The following DPP6 variants were observed in gnomAD, a reference collection of about 807,000 sequenced individuals.
DPP6 encodes dipeptidyl peptidase like 6.
Under a neutral mutation model 122.6 loss-of-function variants are expected in DPP6, and 69 were observed. The ratio of observed to expected loss-of-function variants is 0.56; its 90% CI spans 0.46 to 0.69. DPP6 has a LOEUF of 0.69. Among genes scored for constraint, DPP6 ranks in the 30% least tolerant of loss-of-function variants. The probability of loss-of-function intolerance (pLI) is 0.00; values close to 1 mark genes in which losing one functional copy is unlikely to be tolerated. For missense variants in DPP6, 928 were observed against 1,116.9 expected (o/e 0.83, Z 2.41); for synonymous variants, 418 against 433.1 (o/e 0.97, Z 0.43).
At chr7:154,383,911 G>A (rs1195964167) in intron 1 of DPP6, among the ~76,000 whole-genome samples, 3 of 143,322 alleles carry the variant, frequency 2.1e-5, no homozygotes, top group Non-Finnish European at 4.6e-5. Flanking sequence ...AAAAAAAAGT[G>A]TTAATGAATT....
intron 1 of DPP6, among the ~76,000 whole-genome samples, chr7:154,061,459 G>T (rs867479148): frequency 6.8e-6 from 1 of 146,096 alleles, no homozygotes; most frequent in Non-Finnish European, 1.5e-5. Flanking sequence ...GTTGCTAAAG[G>T]ATGGCCCCCC....
Position 154,523,501 on chromosome 7 carries a change from C to T in DPP6, c.458-17031C>T, listed in dbSNP as rs980910886. On this transcript the variant is annotated intron_variant, in intron 3 of 25. Transcript: ENST00000377770. Reference sequence around the variant, plus strand: ...TGTATCTGACAAAAACGACCATAATCCCCAAATATCATTACATTCCCAGGC... The same window carrying T: ...TGTATCTGACAAAAACGACCATAATTCCCAAATATCATTACATTCCCAGGC... Among the ~76,000 whole-genome samples, 3 of 152,170 alleles carry T rather than the reference C, an allele frequency of 2.0e-5. No homozygotes were observed. In the East Asian group the frequency reaches 5.8e-4, roughly 29 times the overall value.
intron 6 of DPP6, among the ~76,000 whole-genome samples, chr7:154,665,402 T>C (rs1318727648): frequency 6.6e-6 from 1 of 152,218 alleles, no homozygotes; most frequent in African/African-American, 2.4e-5. Context: ...CTAACATTAA[T>C]TTTTGTTGTT....
intron 2 of DPP6, among the ~76,000 whole-genome samples, chr7:154,451,649 C>T (rs75024857): frequency 0.034 from 5,211 of 152,282 alleles, 201 homozygotes; most frequent in East Asian, 0.11. Context: ...GATGCAGTTG[C>T]TGGGAACTCT....
Position 154,663,385 on chromosome 7 carries a change from G to A in DPP6, c.681-5975G>A, listed in dbSNP as rs74822470. On this transcript the variant is annotated intron_variant, in intron 6 of 25. Transcript: ENST00000377770. ...TGTAGTCAAGATGAATCACCATGGC[G>A]TATTGGCGCTAGTATTCATATAGTC... is the stretch of plus-strand genomic sequence containing the variant. Among the ~76,000 whole-genome samples the A allele has an allele frequency of 1.1e-4, 5 of 45,960 alleles. 1 individual carries two copies. The highest frequency in any genetic ancestry group is 1.6e-4 in the Non-Finnish European group (2 of 12,416). The allele number at this position is 45,960 out of a possible 152,430, so 30.2% of individuals were successfully genotyped here. A position where few individuals can be genotyped will look rare whatever the true frequency, so the allele number is the denominator to read the frequency against.
intron 8 of DPP6, among the ~76,000 whole-genome samples, chr7:154,765,874 A>G (rs1217096490): frequency 6.6e-6 from 1 of 152,222 alleles, no homozygotes; most frequent in Admixed American, 6.5e-5. Context: ...CGTTGATGAA[A>G]TAGGTTTTCT....
At position 154,241,185 on chromosome 7, in the gene DPP6, A is replaced by ATGCTTGTGTG. The variant is rs34454400; in HGVS notation, c.243+188124_243+188125insCTTGTGTGTG. Among the ~76,000 whole-genome samples, 1 of 136,212 alleles carries ATGCTTGTGTG rather than the reference A, an allele frequency of 7.3e-6. No homozygotes were observed. Among genetic ancestry groups the ATGCTTGTGTG allele is most frequent in the Non-Finnish European group, 1.6e-5 (1 of 64,002 alleles). 89.4% of individuals were successfully genotyped at this position (136,212 alleles called of 152,430 possible). On this transcript the variant is annotated intron_variant, in intron 1 of 25. Transcript: ENST00000377770. This position sits in a 1 kb window ranked among gnomAD's most constrained non-coding sequence, Gnocchi z 9.0. ...GCACAGTAGGTAATTCAATATCAAT[A>ATGCTTGTGTG]TGTGTGTGTGTGTGTGTGTGTGTGT...
chr7:153,861,396 T>A, the DPP6 span, among the ~76,000 whole-genome samples: 1 of 152,238 alleles, frequency 6.6e-6, no homozygotes, highest in African/African-American at 2.4e-5. Context: ...CAATTCTTTA[T>A]TCAGACATAC....
chr7:154,178,969 C>T (rs950624434), intron 1 of DPP6, among the ~76,000 whole-genome samples: 3 of 152,160 alleles, frequency 2.0e-5, no homozygotes, highest in Non-Finnish European at 4.4e-5. Flanking sequence ...TGGGGGAGGT[C>T]CCAGATTCCT....
rs77546444 is a variant in DPP6 at position 153,918,365 on chromosome 7, A to G, written c.51+30631A>G. Among the ~76,000 whole-genome samples, 145 of 152,150 alleles carry G rather than the reference A, an allele frequency of 9.5e-4. 3 individuals are homozygous for G. The East Asian group carries it at 0.027, about 29-fold the overall frequency. On this transcript the variant is annotated intron_variant, in intron 1 of 25. Coordinates refer to the DPP6 transcript ENST00000404039. ...AGTTGGATATCTTTTGCTATTTTAA[A>G]ATGATTGAATACGTTAGTCAGTTTG...
At chr7:154,220,562 G>A (rs1800247054) in intron 1 of DPP6, among the ~76,000 whole-genome samples, 1 of 152,038 alleles carries the variant, frequency 6.6e-6, no homozygotes, top group South Asian at 2.1e-4. Flanking sequence ...TGTGCCCCGA[G>A]CCTAAATTAA....
At chr7:154,480,120 G>A (rs1823127756) in intron 3 of DPP6, among the ~76,000 whole-genome samples, 1 of 152,044 alleles carries the variant, frequency 6.6e-6, no homozygotes, top group African/African-American at 2.4e-5. Flanking sequence ...ATTACAGCAG[G>A]CCCCTCCTTT....
At chr7:154,041,649 A>G (rs531869878) in intron 1 of DPP6, among the ~76,000 whole-genome samples, 2 of 152,172 alleles carry the variant, frequency 1.3e-5, no homozygotes, top group Non-Finnish European at 1.5e-5. Context: ...GGGGGATTTT[A>G]TCTGGGTGGG....
the DPP6 span, among the ~76,000 whole-genome samples, chr7:153,799,592 C>T: frequency 6.2e-4 from 95 of 152,260 alleles, no homozygotes; most frequent in African/African-American, 2.2e-3. Flanking sequence ...CATTTTATAG[C>T]CCATAACATT....
the DPP6 span, among the ~76,000 whole-genome samples, chr7:153,766,849 A>G: frequency 6.6e-6 from 1 of 152,242 alleles, no homozygotes; most frequent in East Asian, 1.9e-4. Context: ...TGGCTCACAC[A>G]TTTTAGTGAT....
At chr7:154,705,766 A>G (rs902370422) in intron 7 of DPP6, among the ~76,000 whole-genome samples, 2 of 152,270 alleles carry the variant, frequency 1.3e-5, no homozygotes, top group Non-Finnish European at 2.9e-5. Flanking sequence ...GCAGTTAGCC[A>G]GAACATGTGA....
At chr7:154,120,606 G>A (rs1807377995) in intron 1 of DPP6, among the ~76,000 whole-genome samples, 1 of 152,068 alleles carries the variant, frequency 6.6e-6, no homozygotes, top group African/African-American at 2.4e-5. Flanking sequence ...AAATTAAAGA[G>A]TTGATTAAAG....
At chr7:154,453,052 G>A (rs773621379) in intron 2 of DPP6, among the ~76,000 whole-genome samples, 4 of 152,066 alleles carry the variant, frequency 2.6e-5, no homozygotes, top group African/African-American at 7.2e-5. Flanking sequence ...CATGCACAGC[G>A]TATGCCTTTT....
chr7:154,200,191 C>G (rs1463811320), intron 1 of DPP6, among the ~76,000 whole-genome samples: 1 of 151,050 alleles, frequency 6.6e-6, no homozygotes, highest in Admixed American at 6.6e-5. Flanking sequence ...TTCCTGGCTC[C>G]TTTTTTTTTA....
Sources: allele counts gnomAD v4.1 joint callset (sites outside exome capture counted in the v4.1 genomes callset), GRCh38; gene constraint gnomAD v4.1.1; non-coding constraint Gnocchi (gnomAD v3.1); transcripts MANE v1.5; gene names NCBI Gene and HGNC (gene_info 2026-07-23, HGNC 2026-07-21).